The following CYFIP1 variants were observed in gnomAD, a reference collection of about 807,000 sequenced individuals.
CYFIP1 encodes the protein cytoplasmic FMR1 interacting protein 1.
CYFIP1 carries 58 observed loss-of-function variants against 163.5 expected under a neutral mutation model. The observed-to-expected ratio is 0.35, with a 90% CI of 0.29 to 0.44. The LOEUF (loss-of-function observed/expected upper bound fraction) is 0.44. Ranked by LOEUF, CYFIP1 falls within the 20% of genes least tolerant of loss-of-function variation. The probability of loss-of-function intolerance (pLI) is 1.00; values close to 1 mark genes in which losing one functional copy is unlikely to be tolerated. For synonymous variants in CYFIP1, 663 were observed against 660.7 expected (o/e 1.00, Z -0.05); for missense variants, 1,338 against 1,653.8 (o/e 0.81, Z 3.31).
chr15:22,936,354 T>A (rs1427792921), intron 9 of CYFIP1, among the ~76,000 whole-genome samples: 1 of 152,150 alleles, frequency 6.6e-6, no homozygotes, highest in East Asian at 1.9e-4. Context: ...ACACTTGAAG[T>A]GGCACATCAC....
At position 22,881,750 on chromosome 15, in the gene CYFIP1, A is replaced by G. The variant is rs1025804235; in HGVS notation, c.2911+96T>C. On this transcript the variant is annotated intron_variant, in intron 25 of 30. Coordinates refer to ENST00000617928, the MANE Select transcript of CYFIP1 (RefSeq NM_014608.6). Reference sequence around the variant, plus strand: ...ATTTGTCTGTCTACTGCCTCTTCCCACATGGCAAATCTAATCCTTCTCAAG... The same window carrying G: ...ATTTGTCTGTCTACTGCCTCTTCCCGCATGGCAAATCTAATCCTTCTCAAG... The G allele has an allele frequency of 8.0e-5, 96 of 1,200,840 alleles. No homozygotes were observed. In the African/African-American group the frequency reaches 1.4e-3, roughly 18 times the overall value. 74.4% of individuals were successfully genotyped at this position (1,200,840 alleles called of 1,614,324 possible).
At chr15:22,973,119 G>C (rs1273308939) in intron 1 of CYFIP1, among the ~76,000 whole-genome samples, 1 of 152,114 alleles carries the variant, frequency 6.6e-6, no homozygotes, top group Admixed American at 6.6e-5. Context: ...CTGGGCGACA[G>C]AGTGAGACTC....
In CYFIP1 at chr15:22,910,749, ACCTT is replaced by A. The variant is rs1566959248; in HGVS notation, c.2143_2146del (p.Lys715LeufsTer35). On this transcript the variant is annotated frameshift_variant, in exon 19 of 31. Transcript: ENST00000617928. LOFTEE classifies it high-confidence loss of function. ...ACCAGATACTCACCTTCCTGCCATA[ACCTT>A]ATAATAGGCAAATATCTGGTCTGCT... is the stretch of plus-strand genomic sequence containing the variant. 1 of 1,613,664 alleles carries A rather than the reference ACCTT, an allele frequency of 6.2e-7. No homozygotes were observed. Among genetic ancestry groups the A allele is most frequent in the Non-Finnish European group, 8.5e-7 (1 of 1,179,548 alleles).
intron 1 of CYFIP1, among the ~76,000 whole-genome samples, chr15:22,950,841 G>A (rs2062225848): frequency 6.6e-6 from 1 of 152,228 alleles, no homozygotes; most frequent in Non-Finnish European, 1.5e-5. Flanking sequence ...AGGCTGCATT[G>A]CAATGCCTGC....
intron 1 of CYFIP1, among the ~76,000 whole-genome samples, chr15:22,964,644 C>G (rs1453388552): frequency 6.6e-6 from 1 of 152,208 alleles, no homozygotes; most frequent in Non-Finnish European, 1.5e-5. Context: ...AGGGACCCCA[C>G]CCTGTCCTCA....
At chr15:22,933,459 C>A (rs995704416) in intron 10 of CYFIP1, among the ~76,000 whole-genome samples, 1 of 151,834 alleles carries the variant, frequency 6.6e-6, no homozygotes, top group Non-Finnish European at 1.5e-5. Flanking sequence ...GGACTACAGG[C>A]GCCCACCACC....
chr15:22,923,941 C>CAAA (rs2061273271), intron 13 of CYFIP1, among the ~76,000 whole-genome samples: 2 of 28,726 alleles, frequency 7.0e-5, no homozygotes, highest in African/African-American at 3.9e-4. Flanking sequence ...GACCTTGTCT[C>CAAA]CAAAAAAAAA....
chr15:22,889,606 C>A (rs2060014983), intron 23 of CYFIP1, among the ~76,000 whole-genome samples: 1 of 152,184 alleles, frequency 6.6e-6, no homozygotes, highest in Admixed American at 6.5e-5. Context: ...AGGTGCACGG[C>A]CCCACGCAGT....
chr15:22,890,309 C>CAAAA (rs916023349), intron 23 of CYFIP1, among the ~76,000 whole-genome samples: 1 of 81,516 alleles, frequency 1.2e-5, no homozygotes, highest in Non-Finnish European at 2.6e-5. Flanking sequence ...GACTCCATCT[C>CAAAA]AAAAAAAAAA....
At position 22,931,254 on chromosome 15, in the gene CYFIP1, T is replaced by C. The variant is rs534910706; in HGVS notation, c.1110+969A>G. 3.3e-5 allele frequency among the ~76,000 whole-genome samples: 5 copies of C among 152,324 alleles called. No homozygotes were observed. The South Asian group carries it at 1.0e-3, about 32-fold the overall frequency. On this transcript the variant is annotated intron_variant, in intron 11 of 30. Transcript: ENST00000617928. Reference sequence around the variant, plus strand: ...TATATGCCCTAAAACCCGCAGTCCCTGCCAGCAATTTGCAGCACAGACATG... The same window carrying C: ...TATATGCCCTAAAACCCGCAGTCCCCGCCAGCAATTTGCAGCACAGACATG...
chr15:22,893,757 C>T (rs898313088), intron 22 of CYFIP1, among the ~76,000 whole-genome samples: 11 of 152,162 alleles, frequency 7.2e-5, no homozygotes, highest in South Asian at 4.1e-4. Context: ...CCTTTCCAAA[C>T]GGATCCTAAA....
intron 9 of CYFIP1, among the ~76,000 whole-genome samples, chr15:22,935,082 G>A (rs1595650217): frequency 6.6e-6 from 1 of 152,150 alleles, no homozygotes; most frequent in Non-Finnish European, 1.5e-5. Context: ...GGTTTTGGGG[G>A]GATAGTGTGT....
At chr15:22,959,056 G>A (rs1210430191) in intron 1 of CYFIP1, among the ~76,000 whole-genome samples, 1 of 152,126 alleles carries the variant, frequency 6.6e-6, no homozygotes, top group Non-Finnish European at 1.5e-5. Flanking sequence ...TCAGGACAAT[G>A]AGAACATGCA....
chr15:22,894,284 T>TC (rs2060163651), intron 22 of CYFIP1, among the ~76,000 whole-genome samples: 3 of 138,524 alleles, frequency 2.2e-5, no homozygotes, highest in Non-Finnish European at 1.6e-5. Flanking sequence ...TTTTCTTTTT[T>TC]TTTTTTTTTT....
At chr15:22,979,587 C>T (rs1350698417) in intron 1 of CYFIP1, among the ~76,000 whole-genome samples, 1 of 152,214 alleles carries the variant, frequency 6.6e-6, no homozygotes, top group South Asian at 2.1e-4. Context: ...AAACACGTTC[C>T]ATCAACCCCG....
At chr15:22,901,494 G>A (rs777576919) in intron 22 of CYFIP1, among the ~76,000 whole-genome samples, 21 of 152,318 alleles carry the variant, frequency 1.4e-4, no homozygotes, top group Admixed American at 4.6e-4. Flanking sequence ...GGTGCGCCCC[G>A]CTGAGGACAC....
chr15:22,880,566 G>A (rs1351988929), intron 25 of CYFIP1, among the ~76,000 whole-genome samples: 1 of 152,196 alleles, frequency 6.6e-6, no homozygotes, highest in Non-Finnish European at 1.5e-5. Context: ...AAAGACGCAA[G>A]GTGCAAATAT....
chr15:22,938,656 GC>G (rs1193227231), intron 8 of CYFIP1, among the ~76,000 whole-genome samples: 3 of 151,822 alleles, frequency 2.0e-5, no homozygotes, highest in African/African-American at 7.3e-5. Context: ...TATTCACAGA[GC>G]TTTGGGAGGC....
chr15:22,957,327 C>A (rs8034468), intron 1 of CYFIP1, among the ~76,000 whole-genome samples: 19 of 151,592 alleles, frequency 1.3e-4, no homozygotes, highest in African/African-American at 4.6e-4. Context: ...ACGGTGAAAC[C>A]TCATCTCTAC....
Sources: gnomAD v4.1 joint callset for allele counts (sites outside exome capture counted in the v4.1 genomes callset) on GRCh38, gnomAD v4.1.1 for gene constraint, MANE v1.5 for transcripts, NCBI Gene and HGNC (gene_info 2026-07-23, HGNC 2026-07-21) for gene names.